PDSS2: variants seen among roughly 807,000 people sequenced by gnomAD.
PDSS2 encodes the protein all trans-polyprenyl-diphosphate synthase PDSS2.
PDSS2 carries 31 observed loss-of-function variants against 44.5 expected under a neutral mutation model. The ratio of observed to expected loss-of-function variants is 0.70; its 90% CI spans 0.52 to 0.94. The LOEUF is 0.94. PDSS2 is among the 40% of genes least tolerant of loss of function. The probability of loss-of-function intolerance (pLI) is 0.00; values close to 1 mark genes in which losing one functional copy is unlikely to be tolerated. For missense variants in PDSS2, 452 were observed against 482.2 expected, an observed-to-expected ratio of 0.94 and a Z score of 0.59; for synonymous variants, 157 against 180.3, an observed-to-expected ratio of 0.87 and a Z score of 1.03.
intron 1 of PDSS2, among the ~76,000 whole-genome samples, chr6:107,399,330 G>A (rs920286320): frequency 2.0e-5 from 3 of 152,098 alleles, no homozygotes; most frequent in Admixed American, 6.5e-5. Flanking sequence ...ACCTGAAGTC[G>A]CAAAATCTTG....
At chr6:107,390,962 AT>A (rs1406592648) in intron 1 of PDSS2, among the ~76,000 whole-genome samples, 5 of 146,190 alleles carry the variant, frequency 3.4e-5, no homozygotes, top group African/African-American at 1.3e-4. Context: ...TATCATAGCT[AT>A]TTTTTTAACC....
chr6:107,237,243 A>T (rs777560865), intron 4 of PDSS2, among the ~76,000 whole-genome samples: 34 of 151,544 alleles, frequency 2.2e-4, no homozygotes, highest in Admixed American at 7.2e-4. Flanking sequence ...TCTTTTATTT[A>T]TTTATTTATT....
intron 3 of PDSS2, among the ~76,000 whole-genome samples, chr6:107,250,561 G>A (rs1176834488): frequency 6.6e-6 from 1 of 152,042 alleles, no homozygotes; most frequent in Non-Finnish European, 1.5e-5. Context: ...GGTGTTGGGG[G>A]GGGAAGCATA....
At chr6:107,186,632 C>T (rs1255263518) in intron 7 of PDSS2, among the ~76,000 whole-genome samples, 3 of 152,120 alleles carry the variant, frequency 2.0e-5, no homozygotes, top group Admixed American at 1.3e-4. Flanking sequence ...CCAACAGGCC[C>T]TGGTGTGTGT....
chr6:107,212,623 G>T (rs951033008), intron 4 of PDSS2, among the ~76,000 whole-genome samples: 2 of 152,146 alleles, frequency 1.3e-5, no homozygotes, highest in Admixed American at 6.6e-5. Context: ...TTAAGTGCTG[G>T]TATTAAGCAC....
At chr6:107,245,724 C>T in intron 3 of PDSS2, 105 bp from the exon 4 acceptor site, 1 of 691,674 alleles carries the variant, frequency 1.4e-6, no homozygotes, top group Non-Finnish European at 2.4e-6. Context: ...TTTTTCTGTG[C>T]TTGACAGAAA....
At chr6:107,354,109 A>AT (rs113865458) in intron 1 of PDSS2, among the ~76,000 whole-genome samples, 18 of 150,806 alleles carry the variant, frequency 1.2e-4, no homozygotes, top group African/African-American at 1.9e-4. Context: ...GATGTAATGA[A>AT]TTTTTTTTTT....
chr6:107,258,899 C>G (rs748162892), intron 3 of PDSS2, among the ~76,000 whole-genome samples: 3 of 152,138 alleles, frequency 2.0e-5, no homozygotes, highest in Non-Finnish European at 4.4e-5. Flanking sequence ...ACCATAAATT[C>G]CAGGATTGAT....
chr6:107,321,616 C>T (rs912424961), intron 2 of PDSS2, among the ~76,000 whole-genome samples: 1 of 152,156 alleles, frequency 6.6e-6, no homozygotes, highest in African/African-American at 2.4e-5. Context: ...CCCTTATTTC[C>T]TCATTTTGGT....
At chr6:107,388,472 G>A (rs1172643745) in intron 1 of PDSS2, among the ~76,000 whole-genome samples, 3 of 140,202 alleles carry the variant, frequency 2.1e-5, no homozygotes, top group African/African-American at 8.2e-5. Context: ...TTTTTGAGAC[G>A]GAGTCTCGCT....
chr6:107,318,688 A>C (rs905088526), intron 2 of PDSS2, among the ~76,000 whole-genome samples: 1 of 152,126 alleles, frequency 6.6e-6, no homozygotes, highest in Non-Finnish European at 1.5e-5. Context: ...TCCCATTTAA[A>C]TATACTCAGT....
intron 4 of PDSS2, among the ~76,000 whole-genome samples, chr6:107,232,004 C>T (rs1303006393): frequency 6.6e-6 from 1 of 152,056 alleles, no homozygotes; most frequent in Non-Finnish European, 1.5e-5. Context: ...CTAGTAAAGC[C>T]CCAGCTCCAG....
At chr6:107,420,478 A>T (rs1780789935) in intron 1 of PDSS2, among the ~76,000 whole-genome samples, 1 of 152,246 alleles carries the variant, frequency 6.6e-6, no homozygotes, top group African/African-American at 2.4e-5. Context: ...GGCAGAAGAA[A>T]AGACAAATAG....
chr6:107,459,114 T>G lies in PDSS2; in HGVS notation c.172A>C (p.Lys58Gln). 6.2e-7 allele frequency: 1 copy of G among 1,613,988 alleles called. No individual in the cohort carries two copies. Among genetic ancestry groups the G allele is most frequent in the Non-Finnish European group, 8.5e-7 (1 of 1,180,016 alleles). ...AAGGACGTGGGGTACCCCACGATCT[T>G]CTCCGCCTCTGACACTACCTGATTC... ...HWNQVVSEAE[K>Q]IVGYPTSFMS... Residue 58 changes from lysine (K) to glutamine (Q), a missense_variant, in exon 1 of 8, where the codon AAG (lysine) becomes CAG (glutamine). Lys to Gln is a moderately conservative substitution (Grantham distance 53). Coordinates refer to ENST00000369037, the MANE Select transcript of PDSS2 (RefSeq NM_020381.4). This position sits in a 1 kb window ranked among gnomAD's most constrained non-coding sequence, Gnocchi z 4.3.
intron 1 of PDSS2, among the ~76,000 whole-genome samples, chr6:107,422,820 C>T (rs1454352903): frequency 2.6e-5 from 4 of 151,760 alleles, no homozygotes; most frequent in Admixed American, 6.6e-5. Flanking sequence ...CTGTATTGTC[C>T]GACAGGAGCA....
intron 1 of PDSS2, among the ~76,000 whole-genome samples, chr6:107,347,256 C>CTTTT (rs35184119): frequency 9.8e-4 from 88 of 89,998 alleles, no homozygotes; most frequent in African/African-American, 1.3e-3. Flanking sequence ...ATTATATCTT[C>CTTTT]TTTTTTTTTT....
At chr6:107,315,675 A>G (rs867882783) in intron 2 of PDSS2, among the ~76,000 whole-genome samples, 1 of 152,246 alleles carries the variant, frequency 6.6e-6, no homozygotes, top group South Asian at 2.1e-4. Context: ...TTTGGACAGG[A>G]AACCAAATGA....
chr6:107,181,064 C>T (rs1416648092), intron 7 of PDSS2, among the ~76,000 whole-genome samples: 4 of 151,856 alleles, frequency 2.6e-5, no homozygotes, highest in South Asian at 4.2e-4. Flanking sequence ...AGGCTGGGCT[C>T]GAACTCCTGA....
chr6:107,249,809 T>C (rs1029299489), intron 3 of PDSS2, among the ~76,000 whole-genome samples: 2 of 152,200 alleles, frequency 1.3e-5, no homozygotes, highest in Non-Finnish European at 2.9e-5. Context: ...GTCTAGTTGC[T>C]ATTCTCAAGC....
Sources: allele counts gnomAD v4.1 joint callset (sites outside exome capture counted in the v4.1 genomes callset), GRCh38; gene constraint gnomAD v4.1.1; non-coding constraint Gnocchi (gnomAD v3.1); transcripts MANE v1.5; gene names NCBI Gene and HGNC (gene_info 2026-07-23, HGNC 2026-07-21).